Variants in CALN1 observed in about 807,000 individuals in gnomAD.
CALN1 encodes the protein calneuron 1.
Under a neutral mutation model 30.6 loss-of-function variants are expected in CALN1, and 17 were observed. That is an observed-to-expected ratio of 0.56 (90% confidence interval 0.38 to 0.83). The LOEUF (loss-of-function observed/expected upper bound fraction) is 0.83, where lower values mean the gene tolerates loss of function less well. Ranked by LOEUF, CALN1 falls within the 40% of genes least tolerant of loss-of-function variation. CALN1 has a pLI of 0.00. For missense variants in CALN1, 291 were observed against 354.9 expected (o/e 0.82, Z 1.45); for synonymous variants, 156 against 131.4 (o/e 1.19, Z -1.28).
chr7:72,123,531 A>C (rs976878741), intron 3 of CALN1, among the ~76,000 whole-genome samples: 21 of 152,216 alleles, frequency 1.4e-4, no homozygotes, highest in African/African-American at 5.1e-4. Flanking sequence ...GAGGCCCTGG[A>C]ATCGCTATCT....
At chr7:72,291,993 C>T (rs1798512343) in intron 2 of CALN1, among the ~76,000 whole-genome samples, 1 of 150,082 alleles carries the variant, frequency 6.7e-6, no homozygotes, top group African/African-American at 2.5e-5. Context: ...CAGAACAATA[C>T]TCCATCTCAA....
At chr7:71,984,222 G>C (rs1012067017) in intron 5 of CALN1, among the ~76,000 whole-genome samples, 22 of 152,106 alleles carry the variant, frequency 1.4e-4, no homozygotes, top group Middle Eastern at 3.2e-3. Flanking sequence ...AGTGAGGGGG[G>C]AACAGGCAGA....
At chr7:71,886,954 T>C (rs576174179) in intron 5 of CALN1, among the ~76,000 whole-genome samples, 5 of 152,178 alleles carry the variant, frequency 3.3e-5, no homozygotes, top group African/African-American at 1.2e-4. Context: ...TACAAAGTGC[T>C]GTGAGAACTT....
chr7:72,061,796 CAAAAAAAAAAA>C lies in CALN1; in HGVS notation c.389-38038_389-38028del, dbSNP rs1161510912. Among the ~76,000 whole-genome samples the C allele has an allele frequency of 8.2e-5, 7 of 85,120 alleles. No individual in the cohort carries two copies. The South Asian group carries it at 3.4e-3, about 42-fold the overall frequency. 55.8% of individuals were successfully genotyped at this position (85,120 alleles called of 152,430 possible). A position where few individuals can be genotyped will look rare whatever the true frequency, so the allele number is the denominator to read the frequency against. Reference sequence around the variant, plus strand: ...TGGGCGACAGAGCAAGACTCTGTCTCAAAAAAAAAAAAAAAAAAAAAAGAAATAAACCAACA... The same window carrying C: ...TGGGCGACAGAGCAAGACTCTGTCTCAAAAAAAAAAAGAAATAAACCAACA... On this transcript the variant is annotated intron_variant, in intron 4 of 6. Transcript: ENST00000395275.
chr7:72,423,671 G>C (rs1206826536), intron 1 of CALN1, among the ~76,000 whole-genome samples: 1 of 152,044 alleles, frequency 6.6e-6, no homozygotes, highest in Non-Finnish European at 1.5e-5. Flanking sequence ...CATGCATCTG[G>C]CCAGGCACAG....
intron 2 of CALN1, among the ~76,000 whole-genome samples, chr7:72,301,167 G>T (rs1799232438): frequency 6.6e-6 from 1 of 152,120 alleles, no homozygotes; most frequent in South Asian, 2.1e-4. Flanking sequence ...AGTGGAGGAG[G>T]GAGAAGCGCT....
At chr7:71,907,505 G>A (rs541578143) in intron 5 of CALN1, among the ~76,000 whole-genome samples, 18 of 152,262 alleles carry the variant, frequency 1.2e-4, no homozygotes, top group Non-Finnish European at 2.1e-4. Flanking sequence ...AGTCAGAACC[G>A]GGTTTGGAGC....
intron 2 of CALN1, chr7:72,336,613 G>A (rs761969756): frequency 3.0e-4 from 269 of 881,984 alleles, no homozygotes; most frequent in Middle Eastern, 1.7e-3. Flanking sequence ...CAGCCCGGGG[G>A]TTTGGACACC....
intron 3 of CALN1, among the ~76,000 whole-genome samples, chr7:72,112,349 C>T (rs990788433): frequency 2.0e-5 from 3 of 152,122 alleles, no homozygotes; most frequent in Admixed American, 1.3e-4. Context: ...AGTATGTGTA[C>T]GATGCAAAAT....
At chr7:72,158,775 T>G (rs1304221310) in intron 3 of CALN1, among the ~76,000 whole-genome samples, 1 of 152,198 alleles carries the variant, frequency 6.6e-6, no homozygotes. Flanking sequence ...ACCCGAGTCT[T>G]GATGCCATTT....
chr7:72,348,883 A>G (rs866274180), intron 2 of CALN1, among the ~76,000 whole-genome samples: 6 of 152,210 alleles, frequency 3.9e-5, no homozygotes, highest in East Asian at 1.9e-4. Flanking sequence ...ACTCAACAAC[A>G]TAACACCCAC....
chr7:72,063,027 C>G (rs1041598851), intron 4 of CALN1, among the ~76,000 whole-genome samples: 2 of 151,988 alleles, frequency 1.3e-5, no homozygotes, highest in Non-Finnish European at 2.9e-5. Context: ...AAAGACATTA[C>G]AAGAAAAAAC....
At position 72,387,006 on chromosome 7, in the gene CALN1, G is replaced by A. The variant is rs149033235; in HGVS notation, c.119+16245C>T. Reference sequence around the variant, plus strand: ...ATGCCTCAGTAGCAATACACAAGATGAGCCTGGAACATCTTTCAGTGCCAG... The same window carrying A: ...ATGCCTCAGTAGCAATACACAAGATAAGCCTGGAACATCTTTCAGTGCCAG... On this transcript the variant is annotated intron_variant, in intron 2 of 6. Transcript: ENST00000395275. Among the ~76,000 whole-genome samples, 44 of 151,408 alleles carry A rather than the reference G, an allele frequency of 2.9e-4. No homozygotes were observed. In the East Asian group the frequency reaches 8.2e-3, roughly 28 times the overall value.
At chr7:71,926,509 A>C (rs1421278704) in intron 5 of CALN1, among the ~76,000 whole-genome samples, 2 of 152,148 alleles carry the variant, frequency 1.3e-5, no homozygotes, top group Non-Finnish European at 2.9e-5. Flanking sequence ...GGGTTCTCTG[A>C]GCATCTTGGA....
At chr7:72,134,974 T>C (rs1311937204) in intron 3 of CALN1, among the ~76,000 whole-genome samples, 1 of 152,218 alleles carries the variant, frequency 6.6e-6, no homozygotes, top group Non-Finnish European at 1.5e-5. Flanking sequence ...AAAGCATCTT[T>C]ACCAGGAGTA....
rs888013178 is a variant in CALN1 at position 72,245,216 on chromosome 7, G to A, written c.244+33470C>T. Among the ~76,000 whole-genome samples the A allele has an allele frequency of 4.6e-5, 7 of 152,296 alleles. No individual in the cohort carries two copies. In the East Asian group the frequency reaches 7.7e-4, roughly 17 times the overall value. On this transcript the variant is annotated intron_variant, in intron 3 of 6. Transcript: ENST00000395275. The stretch of plus-strand genomic sequence containing the variant: ...TCATCTGTGCAGGCAGCCCAGCCCC[G>A]CCCTGGTAAGGACAACATCATCTGA...
chr7:72,403,730 G>A (rs1049531541), intron 1 of CALN1, among the ~76,000 whole-genome samples: 1 of 152,174 alleles, frequency 6.6e-6, no homozygotes, highest in Non-Finnish European at 1.5e-5. Flanking sequence ...GGCATTGCTG[G>A]AGTATGTGCA....
chr7:72,215,305 A>G (rs1792705479), intron 3 of CALN1, among the ~76,000 whole-genome samples: 1 of 152,108 alleles, frequency 6.6e-6, no homozygotes, highest in African/African-American at 2.4e-5. Context: ...ATTAAAGACA[A>G]AGGAGAGGCC....
At chr7:72,370,332 GTC>G (rs1471006465) in intron 2 of CALN1, among the ~76,000 whole-genome samples, 8 of 152,056 alleles carry the variant, frequency 5.3e-5, no homozygotes, top group Non-Finnish European at 1.5e-5. Flanking sequence ...TAAATTGGTA[GTC>G]TGTTTCCTTA....
Sources: gnomAD v4.1 joint callset for allele counts (sites outside exome capture counted in the v4.1 genomes callset) on GRCh38, gnomAD v4.1.1 for gene constraint, MANE v1.5 for transcripts, NCBI Gene and HGNC (gene_info 2026-07-23, HGNC 2026-07-21) for gene names.